Variants in OR4C16 observed in about 807,000 individuals in gnomAD.
OR4C16 encodes the protein olfactory receptor family 4 subfamily C member 16, also known as olfactory receptor 4C16.
In OR4C16, 24 loss-of-function variants were observed where a neutral mutation model predicts 14.4. The observed-to-expected ratio is 1.66, with a 90% CI of 1.21 to 2.34. The LOEUF (loss-of-function observed/expected upper bound fraction) is 2.34, where lower values mean the gene tolerates loss of function less well. Ranked by LOEUF, OR4C16 falls within the 30% of genes most tolerant of loss-of-function variation. The pLI is 0.00. For missense variants in OR4C16, 674 were observed against 364.2 expected (o/e 1.85, Z -6.92); for synonymous variants, 233 against 133.5 (o/e 1.75, Z -5.14).
Position 55,572,946 on chromosome 11 carries a change from T to C in OR4C16, c.819T>C (p.Tyr273=), listed in dbSNP as rs762936419. The change falls in exon 1 of 1, where the codon TAT becomes TAC. Residue 273 remains tyrosine, a synonymous_variant. Coordinates refer to ENST00000623907, the MANE Select transcript of OR4C16 (RefSeq NM_001004701.2). ...TGGATAAGATGATAGCTGTATTTTA[T>C]ACAGTTGGAACATCTTTTCTCAACC... ...FPMDKMIAVF[Y]TVGTSFLNPV... The C allele has an allele frequency of 1.2e-6, 2 of 1,613,232 alleles. No individual in the cohort carries two copies. The highest frequency in any genetic ancestry group is 1.7e-6 in the Non-Finnish European group (2 of 1,179,232).
In OR4C16 at chr11:55,572,546, G is replaced by T. The variant is rs377718123; in HGVS notation, c.419G>T (p.Gly140Val). The T allele has an allele frequency of 1.9e-5, 31 of 1,614,098 alleles. No homozygotes were observed. The highest frequency in any genetic ancestry group is 2.6e-5 in the Non-Finnish European group (31 of 1,180,010). Residue 140 changes from glycine (G) to valine (V), a missense_variant, in exon 1 of 1, where the codon GGT becomes GTT. Transcript: ENST00000623907. ...YMTIISQWVC[G>V]VLMAVAWVGS... ...ACCATCATAAGCCAGTGGGTCTGTG[G>T]TGTTTTGATGGCTGTGGCCTGGGTG...
In OR4C16 at chr11:55,573,031, A is replaced by G. The variant is rs763094853; in HGVS notation, c.904A>G (p.Lys302Glu). The G allele has an allele frequency of 6.4e-7, 1 of 1,570,320 alleles. No individual in the cohort carries two copies. The highest frequency in any genetic ancestry group is 1.9e-5 in the Admixed American group (1 of 53,850). The change falls in exon 1 of 1, where the codon AAG (lysine) becomes GAG (glutamate). Residue 302 changes from lysine (K) to glutamate (E), a missense_variant. Transcript: ENST00000623907. ...VKSAMRKLWS[K>E]KLITDDKR ...AAGTGCCATGAGGAAGCTTTGGAGC[A>G]AGAAATTGATCACAGATGACAAAAG...
In OR4C16 at chr11:55,572,680, C is replaced by G. The variant is rs1857401793; in HGVS notation, c.553C>G (p.Gln185Glu). 8 of 1,613,972 alleles carry G rather than the reference C, an allele frequency of 5.0e-6. No homozygotes were observed. The highest frequency in any genetic ancestry group is 6.8e-6 in the Non-Finnish European group (8 of 1,179,980). ...CFCDLQPLLKQACSETYVVNL... is the reference protein window; with the variant it reads ...CFCDLQPLLKEACSETYVVNL... ...CTGTGACTTGCAGCCCTTGTTGAAACAAGCCTGTTCAGAAACCTATGTGGT... is the reference window on the plus strand; with the variant it reads ...CTGTGACTTGCAGCCCTTGTTGAAAGAAGCCTGTTCAGAAACCTATGTGGT... Residue 185 changes from glutamine (Q) to glutamate (E), a missense_variant, in exon 1 of 1, where the codon CAA becomes GAA. By Grantham distance (29) the Gln-to-Glu change is conservative. Transcript: ENST00000623907.
rs1355681260 is a variant in OR4C16, at chr11:55,572,392, A to G, written c.265A>G (p.Thr89Ala). Reference protein sequence around the residue: ...MIVDALLKKTTISFSECMIQV... With the variant: ...MIVDALLKKTAISFSECMIQV... ...TGTGGATGCCCTTTTGAAGAAGACA[A>G]CTATCTCCTTCAGCGAGTGCATGAT... The change falls in exon 1 of 1, where the codon ACT becomes GCT. Residue 89 changes from threonine to alanine, a missense_variant. By Grantham distance (58) the Thr-to-Ala change is moderately conservative. Transcript: ENST00000623907. 4 of 1,613,782 alleles carry G rather than the reference A, an allele frequency of 2.5e-6. No individual in the cohort carries two copies. In the African/African-American group the frequency reaches 4.0e-5, roughly 16 times the overall value.
rs376544054 is a variant in OR4C16, at chr11:55,572,377, C to T, written c.250C>T (p.Leu84Phe). ...SITPRMIVDA[L>F]LKKTTISFSE... ...AACCCCTAGAATGATTGTGGATGCC[C>T]TTTTGAAGAAGACAACTATCTCCTT... Residue 84 changes from leucine to phenylalanine, a missense_variant, in exon 1 of 1, where the codon CTT becomes TTT. Transcript: ENST00000623907. The T allele has an allele frequency of 6.2e-6, 10 of 1,613,770 alleles. No homozygotes were observed. The highest frequency in any genetic ancestry group is 3.3e-5 in the South Asian group (3 of 91,078).
chr11:55,572,175 A>C lies in OR4C16; in HGVS notation c.48A>C (p.Thr16=), dbSNP rs143493320. ...NVTEFILLGL[T]QDPFWKKIVF... Reference sequence around the variant, plus strand: ...CTGAGTTCATTCTGCTTGGATTGACACAGGATCCTTTTTGGAAGAAAATAG... The same window carrying C: ...CTGAGTTCATTCTGCTTGGATTGACCCAGGATCCTTTTTGGAAGAAAATAG... Residue 16 remains threonine, a synonymous_variant, in exon 1 of 1, where the codon ACA becomes ACC. Coordinates refer to ENST00000623907, the MANE Select transcript of OR4C16 (RefSeq NM_001004701.2). 3 of 1,612,260 alleles carry C rather than the reference A, an allele frequency of 1.9e-6. No individual in the cohort carries two copies. The highest frequency in any genetic ancestry group is 2.7e-5 in the African/African-American group (2 of 74,782).
Position 55,572,863 on chromosome 11 carries a change from A to C in OR4C16, c.736A>C (p.Ile246Leu). Residue 246 changes from isoleucine to leucine, a missense_variant, in exon 1 of 1, where the codon ATC becomes CTC. Ile to Leu is a conservative substitution (Grantham distance 5, BLOSUM62 2). Coordinates refer to ENST00000623907, the MANE Select transcript of OR4C16 (RefSeq NM_001004701.2). ...ATGTGTCTCCCACATCATTGTGGTC[A>C]TCTTGTTCTTTGGACCTTGCATATT... The part of the protein sequence containing the change: ...STCVSHIIVV[I>L]LFFGPCIFMY... 1 of 1,613,994 alleles carries C rather than the reference A, an allele frequency of 6.2e-7. No homozygotes were observed. Among genetic ancestry groups the C allele is most frequent in the Non-Finnish European group, 8.5e-7 (1 of 1,179,872 alleles).
rs150433977 is a variant in OR4C16, at chr11:55,572,514, C to G, written c.387C>G (p.His129Gln). The G allele has an allele frequency of 5.3e-5, 85 of 1,613,988 alleles. No individual in the cohort carries two copies. The highest frequency in any genetic ancestry group is 7.0e-5 in the Non-Finnish European group (83 of 1,180,004). The stretch of plus-strand genomic sequence containing the variant: ...ATGTGGACATCTGTAAGCCCCTGCA[C>G]TACATGACCATCATAAGCCAGTGGG... ...DRYVDICKPL[H>Q]YMTIISQWVC... The change falls in exon 1 of 1, where the codon CAC (histidine) becomes CAG (glutamine). Residue 129 changes from histidine (H) to glutamine (Q), a missense_variant. His to Gln is a conservative substitution (Grantham distance 24). Transcript: ENST00000623907.
rs1319745548 is a variant in OR4C16 at position 55,572,380 on chromosome 11, T to C, written c.253T>C (p.Leu85=). 26 of 1,613,894 alleles carry C rather than the reference T, an allele frequency of 1.6e-5. No homozygotes were observed. The highest frequency in any genetic ancestry group is 2.2e-5 in the Non-Finnish European group (26 of 1,179,928). ...CCCTAGAATGATTGTGGATGCCCTT[T>C]TGAAGAAGACAACTATCTCCTTCAG... The part of the protein sequence containing the change: ...ITPRMIVDAL[L]KKTTISFSEC... Residue 85 remains leucine, a synonymous_variant, in exon 1 of 1, where the codon TTG becomes CTG. Transcript: ENST00000623907.
Position 55,572,547 on chromosome 11 carries a change from T to C in OR4C16, c.420T>C (p.Gly140=), listed in dbSNP as rs1300755710. 1 of 1,613,860 alleles carries C rather than the reference T, an allele frequency of 6.2e-7. No individual in the cohort carries two copies. The highest frequency in any genetic ancestry group is 8.5e-7 in the Non-Finnish European group (1 of 1,179,976). The change falls in exon 1 of 1, where the codon GGT becomes GGC. Residue 140 remains glycine, a synonymous_variant. Transcript: ENST00000623907. ...YMTIISQWVC[G]VLMAVAWVGS... is the part of the protein sequence containing the mutation. Reference sequence around the variant, plus strand: ...CCATCATAAGCCAGTGGGTCTGTGGTGTTTTGATGGCTGTGGCCTGGGTGG... The same window carrying C: ...CCATCATAAGCCAGTGGGTCTGTGGCGTTTTGATGGCTGTGGCCTGGGTGG...
Position 55,572,807 on chromosome 11 carries a change from G to A in OR4C16, c.680G>A (p.Ser227Asn), listed in dbSNP as rs1565052670. ...TTCTTGCATTCTCTGAGAAACCACAGTGCTGAAGTGATAAAGAAAGCACTT... is the reference window on the plus strand; with the variant it reads ...TTCTTGCATTCTCTGAGAAACCACAATGCTGAAGTGATAAAGAAAGCACTT... ...VIFLHSLRNH[S>N]AEVIKKALST... The change falls in exon 1 of 1, where the codon AGT becomes AAT. Residue 227 changes from serine to asparagine, a missense_variant. Ser to Asn is a conservative substitution (Grantham distance 46). Transcript: ENST00000623907. The A allele has an allele frequency of 1.9e-6, 3 of 1,613,956 alleles. No homozygotes were observed. The highest frequency in any genetic ancestry group is 2.5e-6 in the Non-Finnish European group (3 of 1,179,962).
Position 55,572,241 on chromosome 11 carries a change from G to A in OR4C16, c.114G>A (p.Leu38=). 1 of 1,611,266 alleles carries A rather than the reference G, an allele frequency of 6.2e-7. No homozygotes were observed. The highest frequency in any genetic ancestry group is 8.5e-7 in the Non-Finnish European group (1 of 1,177,726). Residue 38 remains leucine (L), a synonymous_variant, in exon 1 of 1, where the codon TTG becomes TTA. Coordinates refer to ENST00000623907, the MANE Select transcript of OR4C16 (RefSeq NM_001004701.2). ...TGCGTCTCTACTTGGGAACACTGTTGGGTAATTTGCTAATCATTATTAGTG... is the reference window on the plus strand; with the variant it reads ...TGCGTCTCTACTTGGGAACACTGTTAGGTAATTTGCTAATCATTATTAGTG... The part of the protein sequence containing the change: ...IFLRLYLGTL[L]GNLLIIISVK...
chr11:55,572,548 G>A lies in OR4C16; in HGVS notation c.421G>A (p.Val141Ile). 2 of 1,614,120 alleles carry A rather than the reference G, an allele frequency of 1.2e-6. No homozygotes were observed. Among genetic ancestry groups the A allele is most frequent in the Non-Finnish European group, 1.7e-6 (2 of 1,180,014 alleles). The change falls in exon 1 of 1, where the codon GTT (valine) becomes ATT (isoleucine). Residue 141 changes from valine (V) to isoleucine (I), a missense_variant. Transcript: ENST00000623907. The stretch of plus-strand genomic sequence containing the variant: ...CATCATAAGCCAGTGGGTCTGTGGT[G>A]TTTTGATGGCTGTGGCCTGGGTGGG... Reference protein sequence around the residue: ...MTIISQWVCGVLMAVAWVGSC... With the variant: ...MTIISQWVCGILMAVAWVGSC...
chr11:55,572,549 T>C lies in OR4C16; in HGVS notation c.422T>C (p.Val141Ala). 1.2e-6 allele frequency: 2 copies of C among 1,614,078 alleles called. No individual in the cohort carries two copies. The highest frequency in any genetic ancestry group is 1.7e-6 in the Non-Finnish European group (2 of 1,180,000). ...ATCATAAGCCAGTGGGTCTGTGGTGTTTTGATGGCTGTGGCCTGGGTGGGA... is the reference window on the plus strand; with the variant it reads ...ATCATAAGCCAGTGGGTCTGTGGTGCTTTGATGGCTGTGGCCTGGGTGGGA... ...MTIISQWVCG[V>A]LMAVAWVGSC... Residue 141 changes from valine (V) to alanine (A), a missense_variant, in exon 1 of 1, where the codon GTT becomes GCT. Transcript: ENST00000623907.
rs370836583 is a variant in OR4C16 at position 55,572,787 on chromosome 11, G to A, written c.660G>A (p.Leu220=). Residue 220 remains leucine (L), a synonymous_variant, in exon 1 of 1, where the codon TTG becomes TTA. Transcript: ENST00000623907. ...VMLIFSYVIF[L]HSLRNHSAEV... Reference sequence around the variant, plus strand: ...TAATATTCTCCTATGTCATCTTCTTGCATTCTCTGAGAAACCACAGTGCTG... The same window carrying A: ...TAATATTCTCCTATGTCATCTTCTTACATTCTCTGAGAAACCACAGTGCTG... 3 of 1,614,078 alleles carry A rather than the reference G, an allele frequency of 1.9e-6. No homozygotes were observed. The highest frequency in any genetic ancestry group is 1.7e-5 in the Admixed American group (1 of 59,998).
rs201403887 is a variant in OR4C16 at position 55,572,916 on chromosome 11, C to G, written c.789C>G (p.Phe263Leu). 96 of 1,613,486 alleles carry G rather than the reference C, an allele frequency of 5.9e-5. 2 individuals are homozygous for G. The South Asian group carries it at 9.1e-4, about 15-fold the overall frequency. The change falls in exon 1 of 1, where the codon TTC becomes TTG. Residue 263 changes from phenylalanine (F) to leucine (L), a missense_variant. Coordinates refer to ENST00000623907, the MANE Select transcript of OR4C16 (RefSeq NM_001004701.2). ...IFMYTCLATV[F>L]PMDKMIAVFY... The stretch of plus-strand genomic sequence containing the variant: ...TGTACACATGCCTTGCAACCGTATT[C>G]CCCATGGATAAGATGATAGCTGTAT...
chr11:55,573,021 G>T lies in OR4C16; in HGVS notation c.894G>T (p.Lys298Asn), dbSNP rs769170198. 10 of 1,576,412 alleles carry T rather than the reference G, an allele frequency of 6.3e-6. No homozygotes were observed. The highest frequency in any genetic ancestry group is 1.7e-4 in the Middle Eastern group (1 of 5,862). ...KNTEVKSAMR[K>N]LWSKKLITDD... ...CAGAAGTGAAAAGTGCCATGAGGAAGCTTTGGAGCAAGAAATTGATCACAG... is the reference window on the plus strand; with the variant it reads ...CAGAAGTGAAAAGTGCCATGAGGAATCTTTGGAGCAAGAAATTGATCACAG... The change falls in exon 1 of 1, where the codon AAG becomes AAT. Residue 298 changes from lysine to asparagine, a missense_variant. Physicochemically the swap from Lys to Asn is moderately conservative, Grantham distance 94. Coordinates refer to ENST00000623907, the MANE Select transcript of OR4C16 (RefSeq NM_001004701.2).
rs1339907094 is a variant in OR4C16, at chr11:55,572,163, G to A, written c.36G>A (p.Leu12=). 3 of 1,611,262 alleles carry A rather than the reference G, an allele frequency of 1.9e-6. No homozygotes were observed. Among genetic ancestry groups the A allele is most frequent in the Non-Finnish European group, 2.5e-6 (3 of 1,178,248 alleles). ...ATAATAATGTGACTGAGTTCATTCTGCTTGGATTGACACAGGATCCTTTTT... is the reference window on the plus strand; with the variant it reads ...ATAATAATGTGACTGAGTTCATTCTACTTGGATTGACACAGGATCCTTTTT... The part of the protein sequence containing the change: ...QLNNNVTEFI[L]LGLTQDPFWK... The change falls in exon 1 of 1, where the codon CTG becomes CTA. Residue 12 remains leucine, a synonymous_variant. Coordinates refer to ENST00000623907, the MANE Select transcript of OR4C16 (RefSeq NM_001004701.2).
Position 55,572,561 on chromosome 11 carries a change from T to C in OR4C16, c.434T>C (p.Val145Ala). The C allele has an allele frequency of 6.2e-7, 1 of 1,614,120 alleles. No homozygotes were observed. Among genetic ancestry groups the C allele is most frequent in the Non-Finnish European group, 8.5e-7 (1 of 1,180,006 alleles). The change falls in exon 1 of 1, where the codon GTG becomes GCG. Residue 145 changes from valine to alanine, a missense_variant. Transcript: ENST00000623907. ...SQWVCGVLMA[V>A]AWVGSCVHSL... is the part of the protein sequence containing the mutation. Reference sequence around the variant, plus strand: ...TGGGTCTGTGGTGTTTTGATGGCTGTGGCCTGGGTGGGATCCTGTGTGCAT... The same window carrying C: ...TGGGTCTGTGGTGTTTTGATGGCTGCGGCCTGGGTGGGATCCTGTGTGCAT...
Sources: gnomAD v4.1 joint callset for allele counts on GRCh38, gnomAD v4.1.1 for gene constraint, MANE v1.5 for transcripts, NCBI Gene and HGNC (gene_info 2026-07-23, HGNC 2026-07-21) for gene names.